The following NLRP4 variants were observed in gnomAD, a reference collection of about 807,000 sequenced individuals.
NLRP4 encodes NLR family pyrin domain containing 4.
Under a neutral mutation model 84.7 loss-of-function variants are expected in NLRP4, and 44 were observed. The ratio of observed to expected loss-of-function variants is 0.52; its 90% CI spans 0.41 to 0.67. The LOEUF is 0.67. NLRP4 is among the 30% of genes least tolerant of loss of function. NLRP4 has a pLI of 0.00. For missense variants in NLRP4, 1,260 were observed against 1,219.4 expected (o/e 1.03, Z -0.50); for synonymous variants, 544 against 476.4 (o/e 1.14, Z -1.85).
intron 1 of NLRP4, among the ~76,000 whole-genome samples, chr19:55,851,039 G>A (rs1984106953): frequency 1.5e-5 from 2 of 131,660 alleles, no homozygotes; most frequent in Non-Finnish European, 3.1e-5. Context: ...CCGAGGCTGC[G>A]GTGTAATGTC....
Position 55,850,110 on chromosome 19 carries a change from C to T in NLRP4, c.-65-1906C>T, listed in dbSNP as rs566340813. Among the ~76,000 whole-genome samples, 8 of 134,164 alleles carry T rather than the reference C, an allele frequency of 6.0e-5. 1 individual carries two copies. Among genetic ancestry groups the T allele is most frequent in the Admixed American group, 2.8e-4 (4 of 14,052 alleles). The allele number at this position is 134,164 out of a possible 152,430, so 88.0% of individuals were successfully genotyped here. A position where few individuals can be genotyped will look rare whatever the true frequency, so the allele number is the denominator to read the frequency against. ...ATTTCCGTGGCTGCGGTGTAATTAC[C>T]GTAGCTGCGGTGTAATTTCCGTGGC... On this transcript the variant is annotated intron_variant, in intron 1 of 9. Transcript: ENST00000301295.
chr19:55,849,992 AGACTGCGGTGTGATTTCCG>A, intron 1 of NLRP4, among the ~76,000 whole-genome samples: 1 of 7,402 alleles, frequency 1.4e-4, no homozygotes, highest in East Asian at 2.7e-3. Flanking sequence ...GTAATTTCCG[AGACTGCGGTGTGATTTCCG>A]AGACTGCGGT....
chr19:55,871,030 C>T (rs1985160892), intron 7 of NLRP4, 33 bp downstream of exon 7: 9 of 1,603,992 alleles, frequency 5.6e-6, no homozygotes, highest in Non-Finnish European at 6.0e-6. Context: ...GAAGACCAAG[C>T]CGTCTTTTCA....
chr19:55,860,008 T>C (rs12971959), intron 3 of NLRP4, among the ~76,000 whole-genome samples: 3 of 116,106 alleles, frequency 2.6e-5, no homozygotes, highest in Non-Finnish European at 5.3e-5. Context: ...TTTTCTGAAA[T>C]GGAGTTTTGC....
At chr19:55,880,178 T>C (rs1186004964) in intron 9 of NLRP4, among the ~76,000 whole-genome samples, 1 of 152,220 alleles carries the variant, frequency 6.6e-6, no homozygotes, top group African/African-American at 2.4e-5. Context: ...CTGATTTTTT[T>C]TTTTCCATTT....
Position 55,859,258 on chromosome 19 carries a change from A to C in NLRP4, c.1856+9A>C, listed in dbSNP as rs1568665792. 2 of 1,574,730 alleles carry C rather than the reference A, an allele frequency of 1.3e-6. No individual in the cohort carries two copies. Among genetic ancestry groups the C allele is most frequent in the Non-Finnish European group, 1.7e-6 (2 of 1,156,934 alleles). On this transcript the variant is annotated intron_variant, in intron 3 of 9. Transcript: ENST00000301295. Reference sequence around the variant, plus strand: ...GATGAACACAGCTCTACGTGAGTCCATCCTATGACTTTTTCTCTCTTCTCA... The same window carrying C: ...GATGAACACAGCTCTACGTGAGTCCCTCCTATGACTTTTTCTCTCTTCTCA...
Position 55,850,767 on chromosome 19 carries a change from T to G in NLRP4, c.-65-1249T>G, listed in dbSNP as rs375135442. ...GTACTTCCCGAGGCTGCGGTGTAAT[T>G]TCCGAGGCTGCGGTGTAATTCCCGA... On this transcript the variant is annotated intron_variant, in intron 1 of 9. Coordinates refer to ENST00000301295, the MANE Select transcript of NLRP4 (RefSeq NM_134444.5). Among the ~76,000 whole-genome samples, 632 of 75,838 alleles carry G rather than the reference T, an allele frequency of 8.3e-3. 41 individuals carry two copies. Among genetic ancestry groups the G allele is most frequent in the African/African-American group, 0.01 (120 of 11,582 alleles). The allele number at this position is 75,838 out of a possible 152,430, so 49.8% of individuals were successfully genotyped here. A position where few individuals can be genotyped will look rare whatever the true frequency, so the allele number is the denominator to read the frequency against.
rs201335042 is a variant in NLRP4 at position 55,858,275 on chromosome 19, A to G, written c.882A>G (p.Ser294=). The stretch of plus-strand genomic sequence containing the variant: ...AGCTCCGGGATCAGGTGACGATCTC[A>G]GAAATCTACCAGCCCCGGGGATTCA... The part of the protein sequence containing the change: ...PKELRDQVTI[S]EIYQPRGFNE... Residue 294 remains serine (S), a synonymous_variant, in exon 3 of 10, where the codon TCA becomes TCG. Coordinates refer to ENST00000301295, the MANE Select transcript of NLRP4 (RefSeq NM_134444.5). The surrounding 1 kb of genome is among the most constrained non-coding windows in gnomAD (Gnocchi z 4.2). 1.9e-6 allele frequency: 3 copies of G among 1,614,090 alleles called. No individual in the cohort carries two copies. The highest frequency in any genetic ancestry group is 2.5e-6 in the Non-Finnish European group (3 of 1,180,042).
chr19:55,867,267 G>T (rs35666064), intron 5 of NLRP4, among the ~76,000 whole-genome samples: 4 of 151,434 alleles, frequency 2.6e-5, no homozygotes, highest in Non-Finnish European at 5.9e-5. Flanking sequence ...GTGCGTCTCA[G>T]GTTGGCTGTC....
At chr19:55,857,095 C>T (rs976237652) in intron 2 of NLRP4, among the ~76,000 whole-genome samples, 2 of 152,148 alleles carry the variant, frequency 1.3e-5, no homozygotes, top group African/African-American at 4.8e-5. Flanking sequence ...GAGATTATTC[C>T]ATACTTTTAA....
chr19:55,849,831 A>AAGCTGCGGTGTAATTTCCGT (rs1555807349), intron 1 of NLRP4, among the ~76,000 whole-genome samples: 22,172 of 113,044 alleles, frequency 0.2, 4,260 homozygotes, highest in African/African-American at 0.44. Context: ...GTAATTTCCG[A>AAGCTGCGGTGTAATTTCCGT]AGCTGCGGTG....
At chr19:55,838,945 C>T (rs1983500780) in intron 1 of NLRP4, among the ~76,000 whole-genome samples, 1 of 148,696 alleles carries the variant, frequency 6.7e-6, no homozygotes, top group Admixed American at 6.6e-5. Flanking sequence ...GAAATTCTTA[C>T]ACTAAGCCTG....
At chr19:55,853,736 T>C (rs1984263815) in intron 2 of NLRP4, among the ~76,000 whole-genome samples, 1 of 151,284 alleles carries the variant, frequency 6.6e-6, no homozygotes, top group Non-Finnish European at 1.5e-5. Context: ...TCTCTTTCTC[T>C]TTTCCTTTTT....
At position 55,872,408 on chromosome 19, in the gene NLRP4, AT is replaced by A. The variant is rs550671558; in HGVS notation, c.2525+1413del. ...CCCAACCCACAAGGAAATAAAGCTC[AT>A]TGAGCCAAGGACAAGTCAAAATACA... On this transcript the variant is annotated intron_variant, in intron 7 of 9. Coordinates refer to ENST00000301295, the MANE Select transcript of NLRP4 (RefSeq NM_134444.5). Among the ~76,000 whole-genome samples, 7 of 152,314 alleles carry A rather than the reference AT, an allele frequency of 4.6e-5. No homozygotes were observed. The East Asian group carries it at 1.4e-3, about 29-fold the overall frequency.
chr19:55,870,618 G>A (rs1022665250), intron 6 of NLRP4, among the ~76,000 whole-genome samples: 7 of 152,168 alleles, frequency 4.6e-5, no homozygotes, highest in African/African-American at 9.7e-5. Flanking sequence ...AGCCAAGATC[G>A]CGCCGTTGCA....
At chr19:55,840,121 G>A (rs142691151) in intron 1 of NLRP4, among the ~76,000 whole-genome samples, 15 of 152,198 alleles carry the variant, frequency 9.9e-5, no homozygotes, top group East Asian at 9.6e-4. Flanking sequence ...TAGCTGATTC[G>A]TCTATCTTAT....
chr19:55,876,747 T>A (rs1237130871), intron 7 of NLRP4, among the ~76,000 whole-genome samples: 2 of 152,242 alleles, frequency 1.3e-5, no homozygotes, highest in Non-Finnish European at 2.9e-5. Context: ...TAATACAATG[T>A]AAATGTTGTG....
At chr19:55,878,759 G>T in intron 8 of NLRP4, 35 bp from the exon 9 acceptor site, 1 of 1,580,282 alleles carries the variant, frequency 6.3e-7, no homozygotes, top group South Asian at 1.2e-5. Context: ...CCCTGAGGCT[G>T]GGGCCGCATC....
At position 55,865,638 on chromosome 19, in the gene NLRP4, CT is replaced by C. The variant is rs774516174; in HGVS notation, c.2187-2064del. ...CTCACCAGCATATATTATTTCTTGA[CT>C]TTTTTTAATAATAGCCATTCTGACC... On this transcript the variant is annotated intron_variant, in intron 5 of 9. Transcript: ENST00000301295. Among the ~76,000 whole-genome samples, 24 of 152,214 alleles carry C rather than the reference CT, an allele frequency of 1.6e-4. No homozygotes were observed. The South Asian group carries it at 2.5e-3, about 16-fold the overall frequency.
Sources: gnomAD v4.1 joint callset for allele counts (sites outside exome capture counted in the v4.1 genomes callset) on GRCh38, gnomAD v4.1.1 for gene constraint, Gnocchi (gnomAD v3.1) non-coding constraint, MANE v1.5 for transcripts, NCBI Gene and HGNC (gene_info 2026-07-23, HGNC 2026-07-21) for gene names.